TSPAN18: variants seen among roughly 807,000 people sequenced by gnomAD.
TSPAN18 encodes the protein tetraspanin 18.
TSPAN18 carries 14 observed loss-of-function variants against 27.3 expected under a neutral mutation model. The observed-to-expected ratio is 0.51, with a 90% CI of 0.34 to 0.80. The LOEUF is 0.80. TSPAN18 is among the 30% of genes least tolerant of loss of function. The pLI, the probability that TSPAN18 is intolerant of heterozygous loss-of-function variation, is 0.01. For synonymous variants in TSPAN18, 143 were observed against 136.5 expected (o/e 1.05, Z -0.33); for missense variants, 268 against 323.9 (o/e 0.83, Z 1.32).
At chr11:44,922,120 T>G (rs199683026) in intron 8 of TSPAN18, among the ~76,000 whole-genome samples, 1 of 141,578 alleles carries the variant, frequency 7.1e-6, no homozygotes, top group Admixed American at 7.4e-5. Flanking sequence ...AGGATGCATT[T>G]TTTTTTTTTT....
chr11:44,843,724 TCC>T lies in TSPAN18; in HGVS notation c.-152-16601_-152-16600del, dbSNP rs536329790. On this transcript the variant is annotated intron_variant, in intron 2 of 9. Coordinates refer to ENST00000520358, the MANE Select transcript of TSPAN18 (RefSeq NM_130783.5). ...TGCGCATTCTCTTTCTCAGGGACGT[TCC>T]CCATGCTGAGAAAAAGAATTCAGCG... Among the ~76,000 whole-genome samples, 883 of 152,256 alleles carry T rather than the reference TCC, an allele frequency of 5.8e-3. 10 individuals carry two copies. The highest frequency in any genetic ancestry group is 0.02 in the African/African-American group (835 of 41,542).
rs139413918 is a variant in TSPAN18 at position 44,872,428 on chromosome 11, A to G, written c.-11+11959A>G. On this transcript the variant is annotated intron_variant, in intron 3 of 9. Transcript: ENST00000520358. ...GCACCAACCTCATAGGGTTGCCACG[A>G]GGATTCACTGAGTGAATGCATGTAA... Among the ~76,000 whole-genome samples, 595 of 152,340 alleles carry G rather than the reference A, an allele frequency of 3.9e-3. 10 individuals are homozygous for G. Among genetic ancestry groups the G allele is most frequent in the African/African-American group, 0.013 (561 of 41,590 alleles).
intron 1 of TSPAN18, among the ~76,000 whole-genome samples, chr11:44,759,923 C>T (rs1297725884): frequency 1.3e-5 from 2 of 152,180 alleles, no homozygotes; most frequent in Middle Eastern, 3.4e-3. Flanking sequence ...GAAGGTTTCA[C>T]AAAGGAGTTA....
chr11:44,789,945 CTT>C (rs1362851837), intron 2 of TSPAN18, among the ~76,000 whole-genome samples: 3 of 152,190 alleles, frequency 2.0e-5, no homozygotes, highest in Non-Finnish European at 4.4e-5. Context: ...GCCTGTGCCC[CTT>C]TCTGAGTGCG....
intron 3 of TSPAN18, among the ~76,000 whole-genome samples, chr11:44,861,793 T>TCACA (rs56816197): frequency 0.055 from 7,280 of 131,958 alleles, 204 homozygotes; most frequent in Non-Finnish European, 0.071. Context: ...AGCCCAAATT[T>TCACA]CACACACACA....
At chr11:44,799,125 G>A (rs1259406825) in intron 2 of TSPAN18, among the ~76,000 whole-genome samples, 4 of 151,174 alleles carry the variant, frequency 2.6e-5, no homozygotes, top group Non-Finnish European at 4.4e-5. Flanking sequence ...GGGGGCCATC[G>A]GTGCAGAGAG....
intron 2 of TSPAN18, among the ~76,000 whole-genome samples, chr11:44,817,287 A>G (rs1856836019): frequency 6.6e-6 from 1 of 152,270 alleles, no homozygotes; most frequent in African/African-American, 2.4e-5. Flanking sequence ...TTATCACCAA[A>G]GTAATGCCAC....
At chr11:44,835,938 TTTAA>T (rs1322010938) in intron 2 of TSPAN18, among the ~76,000 whole-genome samples, 12 of 152,178 alleles carry the variant, frequency 7.9e-5, no homozygotes, top group African/African-American at 2.9e-4. Context: ...TGATGGTGGA[TTTAA>T]TTAATAAATG....
chr11:44,784,163 A>G (rs1856003381), intron 2 of TSPAN18, among the ~76,000 whole-genome samples: 1 of 152,138 alleles, frequency 6.6e-6, no homozygotes, highest in South Asian at 2.1e-4. Context: ...CAAAATGGAG[A>G]GGATACGGGG....
chr11:44,895,693 C>T (rs55641576), intron 3 of TSPAN18, among the ~76,000 whole-genome samples: 12,716 of 126,080 alleles, frequency 0.1, 595 homozygotes, highest in Middle Eastern at 0.14. Flanking sequence ...GGCAGGCAAC[C>T]GCCAGACATT....
intron 3 of TSPAN18, among the ~76,000 whole-genome samples, chr11:44,889,645 C>G (rs57309329): frequency 0.031 from 4,646 of 152,310 alleles, 238 homozygotes; most frequent in African/African-American, 0.11. Context: ...TGGAAATGAC[C>G]TGGAAGGGTT....
At chr11:44,900,873 T>G (rs956152885) in intron 3 of TSPAN18, among the ~76,000 whole-genome samples, 1 of 151,912 alleles carries the variant, frequency 6.6e-6, no homozygotes, top group Non-Finnish European at 1.5e-5. Context: ...TTTGTTATTT[T>G]TAGTAGAGAC....
intron 2 of TSPAN18, among the ~76,000 whole-genome samples, chr11:44,841,476 A>G (rs1238838402): frequency 6.6e-6 from 1 of 151,748 alleles, no homozygotes; most frequent in Non-Finnish European, 1.5e-5. Context: ...AGATTGCACC[A>G]CTGCACTCCA....
intron 3 of TSPAN18, among the ~76,000 whole-genome samples, chr11:44,865,402 T>C (rs1364080903): frequency 6.6e-6 from 1 of 152,176 alleles, no homozygotes; most frequent in Non-Finnish European, 1.5e-5. Context: ...CAAGAAAGGA[T>C]GATGATGGTG....
In TSPAN18 at chr11:44,923,481, G is replaced by A. The variant is rs948922579; in HGVS notation, c.616-3193G>A. Among the ~76,000 whole-genome samples the A allele has an allele frequency of 6.6e-5, 10 of 152,146 alleles. 1 individual carries two copies. The highest frequency in any genetic ancestry group is 5.9e-4 in the Admixed American group (9 of 15,274). On this transcript the variant is annotated intron_variant, in intron 8 of 9. Coordinates refer to ENST00000520358, the MANE Select transcript of TSPAN18 (RefSeq NM_130783.5). ...CGGGGTGGAGATGGTGGGTGGTGGT[G>A]AAGCAATCTCCAGGTGTGTAGATGT...
At chr11:44,860,749 C>G (rs1383037103) in intron 3 of TSPAN18, among the ~76,000 whole-genome samples, 1 of 152,172 alleles carries the variant, frequency 6.6e-6, no homozygotes, top group African/African-American at 2.4e-5. Flanking sequence ...GGCTAGCCCA[C>G]CAGGTTGCTG....
chr11:44,726,832 G>A (rs1209376084), upstream of TSPAN18: 1 of 94,790 alleles, frequency 1.1e-5, no homozygotes, highest in Non-Finnish European at 2.6e-5. Flanking sequence ...AGCCCGCAGA[G>A]GAGACGCGCT....
intron 3 of TSPAN18, among the ~76,000 whole-genome samples, chr11:44,861,463 G>A (rs1380748806): frequency 2.8e-5 from 4 of 142,664 alleles, no homozygotes; most frequent in African/African-American, 1.1e-4. Flanking sequence ...GGGTGGGGGC[G>A]GTCGGTGCTG....
chr11:44,781,367 G>T (rs914914433), intron 2 of TSPAN18, among the ~76,000 whole-genome samples: 17 of 152,242 alleles, frequency 1.1e-4, no homozygotes, highest in African/African-American at 3.6e-4. Context: ...CTAAGTGGCT[G>T]CTTTGTGTTT....
Sources: allele counts gnomAD v4.1 joint callset (sites outside exome capture counted in the v4.1 genomes callset), GRCh38; gene constraint gnomAD v4.1.1; transcripts MANE v1.5; gene names NCBI Gene and HGNC (gene_info 2026-07-23, HGNC 2026-07-21).